Variants in CYP2C19 observed in about 807,000 individuals in gnomAD.
CYP2C19 encodes the protein cytochrome P450 2C19.
CYP2C19 carries 59 observed loss-of-function variants against 40.9 expected under a neutral mutation model. The ratio of observed to expected loss-of-function variants is 1.44; its 90% CI spans 1.17 to 1.79. The LOEUF is 1.79. Among genes scored for constraint, CYP2C19 ranks in the 40% most tolerant of loss-of-function variants. The pLI, the probability that CYP2C19 is intolerant of heterozygous loss-of-function variation, is 0.00. For missense variants in CYP2C19, 754 were observed against 596.9 expected, an observed-to-expected ratio of 1.26 and a Z score of -2.74; for synonymous variants, 253 against 208.7, an observed-to-expected ratio of 1.21 and a Z score of -1.83.
chr10:94,843,440 ACTTT>A (rs1325896716), intron 7 of CYP2C19, among the ~76,000 whole-genome samples: 3 of 152,074 alleles, frequency 2.0e-5, no homozygotes, highest in Non-Finnish European at 4.4e-5. Flanking sequence ...ATTTATTTGC[ACTTT>A]CTTTATTTTC....
At chr10:94,797,709 T>G (rs1848708560) in intron 5 of CYP2C19, among the ~76,000 whole-genome samples, 3 of 152,102 alleles carry the variant, frequency 2.0e-5, no homozygotes, top group Admixed American at 2.0e-4. Context: ...TCTTCCTGGT[T>G]TAGTCTTGGG....
At position 94,855,203 on chromosome 10, in the gene CYP2C19, A is replaced by T. The variant is rs1849713447; in HGVS notation, c.*2289A>T. Reference sequence around the variant, plus strand: ...TGTAAAGACCCTTGTGATTACATGAAACCCACCAGTGTAATCTCTTCATGT... The same window carrying T: ...TGTAAAGACCCTTGTGATTACATGATACCCACCAGTGTAATCTCTTCATGT... On this transcript the variant is annotated 3_prime_UTR_variant, in exon 9 of 9. Coordinates refer to ENST00000371321, the MANE Select transcript of CYP2C19 (RefSeq NM_000769.4). 6.6e-6 allele frequency among the ~76,000 whole-genome samples: 1 copy of T among 152,174 alleles called. No individual in the cohort carries two copies. Among genetic ancestry groups the T allele is most frequent in the African/African-American group, 2.4e-5 (1 of 41,448 alleles).
chr10:94,823,087 G>A (rs1345827312), intron 6 of CYP2C19, among the ~76,000 whole-genome samples: 1 of 151,984 alleles, frequency 6.6e-6, no homozygotes, highest in African/African-American at 2.4e-5. Flanking sequence ...GTACAGAGAG[G>A]ATAAACTTGT....
chr10:94,852,771 G>C lies in CYP2C19; in HGVS notation c.1330G>C (p.Glu444Gln), dbSNP rs540369401. 50 of 1,614,032 alleles carry C rather than the reference G, an allele frequency of 3.1e-5. No individual in the cohort carries two copies. Among genetic ancestry groups the C allele is most frequent in the Non-Finnish European group, 4.2e-5 (49 of 1,179,960 alleles). Residue 444 changes from glutamate (E) to glutamine (Q), a missense_variant, in exon 9 of 9, where the codon GAG becomes CAG. By Grantham distance (29) the Glu-to-Gln change is conservative. Transcript: ENST00000371321. The part of the protein sequence containing the change: ...ICVGEGLARM[E>Q]LFLFLTFILQ... ...TGTGGGAGAGGGCCTGGCCCGCATG[G>C]AGCTGTTTTTATTCCTGACCTTCAT...
chr10:94,804,703 A>G (rs534887521), intron 5 of CYP2C19, among the ~76,000 whole-genome samples: 8 of 152,304 alleles, frequency 5.3e-5, no homozygotes, highest in Non-Finnish European at 1.0e-4. Context: ...GCTGAATGCC[A>G]TCATGAGGCT....
At chr10:94,852,363 T>A (rs1461396597) in intron 8 of CYP2C19, among the ~76,000 whole-genome samples, 1 of 152,194 alleles carries the variant, frequency 6.6e-6, no homozygotes, top group African/African-American at 2.4e-5. Context: ...CCCTAAGCCC[T>A]TCTCAGTTCA....
At chr10:94,790,455 C>T (rs540895877) in intron 5 of CYP2C19, among the ~76,000 whole-genome samples, 1 of 152,156 alleles carries the variant, frequency 6.6e-6, no homozygotes, top group East Asian at 1.9e-4. Flanking sequence ...CAGTTTTTGC[C>T]CATTCAGTAT....
intron 5 of CYP2C19, among the ~76,000 whole-genome samples, chr10:94,819,636 C>A (rs1376393339): frequency 1.1e-4 from 10 of 94,822 alleles, no homozygotes; most frequent in Non-Finnish European, 1.8e-4. Flanking sequence ...ACTAGAAAAT[C>A]TAGAAGAAAT....
chr10:94,822,959 T>A (rs950636778), intron 6 of CYP2C19, among the ~76,000 whole-genome samples: 7 of 152,184 alleles, frequency 4.6e-5, no homozygotes, highest in Non-Finnish European at 7.3e-5. Context: ...TTTAGTTTTT[T>A]ATAGATTTGG....
intron 5 of CYP2C19, 127 bp from the exon 6 acceptor site, chr10:94,820,369 T>C: frequency 9.1e-7 from 1 of 1,101,044 alleles, no homozygotes; most frequent in Non-Finnish European, 1.3e-6. Context: ...CTATTCAATA[T>C]TTTTTTCTAG....
At chr10:94,801,685 G>A (rs1323753136) in intron 5 of CYP2C19, among the ~76,000 whole-genome samples, 1 of 152,204 alleles carries the variant, frequency 6.6e-6, no homozygotes, top group African/African-American at 2.4e-5. Flanking sequence ...GATATTGACA[G>A]TGGGTGATAA....
intron 5 of CYP2C19, among the ~76,000 whole-genome samples, chr10:94,818,054 A>T (rs1849039639): frequency 6.7e-6 from 1 of 149,238 alleles, no homozygotes; most frequent in South Asian, 2.1e-4. Context: ...TCCATCTTGA[A>T]TTGATTTTTG....
At chr10:94,779,251 C>G (rs1365543428) in intron 3 of CYP2C19, among the ~76,000 whole-genome samples, 3 of 152,098 alleles carry the variant, frequency 2.0e-5, no homozygotes, top group African/African-American at 4.8e-5. Context: ...CTGCACAATT[C>G]TGCACACGTG....
At chr10:94,848,116 C>G (rs978835866) in intron 7 of CYP2C19, among the ~76,000 whole-genome samples, 1 of 152,168 alleles carries the variant, frequency 6.6e-6, no homozygotes, top group Middle Eastern at 3.4e-3. Context: ...CTTTTGTTGC[C>G]ATTGCTTTTG....
At chr10:94,798,201 C>T (rs746194840) in intron 5 of CYP2C19, among the ~76,000 whole-genome samples, 14 of 152,070 alleles carry the variant, frequency 9.2e-5, no homozygotes, top group Non-Finnish European at 1.9e-4. Context: ...TGTTTGTTCT[C>T]ATTGGTTTCA....
intron 6 of CYP2C19, among the ~76,000 whole-genome samples, chr10:94,840,566 A>G (rs1217858290): frequency 6.6e-6 from 1 of 152,184 alleles, no homozygotes; most frequent in Non-Finnish European, 1.5e-5. Flanking sequence ...ATTCAGAGGT[A>G]AGGAGAATTT....
Position 94,807,526 on chromosome 10 carries a change from C to T in CYP2C19, c.820-12970C>T, listed in dbSNP as rs116838814. On this transcript the variant is annotated intron_variant, in intron 5 of 8. Coordinates refer to ENST00000371321, the MANE Select transcript of CYP2C19 (RefSeq NM_000769.4). ...CATTATCAATAAGTTTTTGAGTTCT[C>T]TTTCTCTGCGTCCTCACCAGCGTTG... Among the ~76,000 whole-genome samples, 474 of 152,128 alleles carry T rather than the reference C, an allele frequency of 3.1e-3. 3 individuals are homozygous for T. Among genetic ancestry groups the T allele is most frequent in the African/African-American group, 0.011 (451 of 41,544 alleles).
chr10:94,832,357 G>A (rs1849347170), intron 6 of CYP2C19, among the ~76,000 whole-genome samples: 1 of 152,188 alleles, frequency 6.6e-6, no homozygotes, highest in Non-Finnish European at 1.5e-5. Context: ...GGCAGACAGA[G>A]ATCTTTGCAG....
intron 6 of CYP2C19, among the ~76,000 whole-genome samples, chr10:94,838,255 G>A (rs1269673846): frequency 6.6e-6 from 1 of 152,144 alleles, no homozygotes. Flanking sequence ...CTGCCTGCTG[G>A]CCTGTGGGGA....
Sources: allele counts gnomAD v4.1 joint callset (sites outside exome capture counted in the v4.1 genomes callset), GRCh38; gene constraint gnomAD v4.1.1; transcripts MANE v1.5; gene names NCBI Gene and HGNC (gene_info 2026-07-23, HGNC 2026-07-21).